Variants in RIN2 observed in about 807,000 individuals in gnomAD.
RIN2 encodes RAB5 interacting protein 2.
A neutral mutation model predicts 78.0 loss-of-function variants in RIN2; 36 were observed. The observed-to-expected ratio is 0.46, with a 90% CI of 0.35 to 0.61. The LOEUF (loss-of-function observed/expected upper bound fraction) is 0.61. Ranked by LOEUF, RIN2 falls within the 20% of genes least tolerant of loss-of-function variation. The pLI is 0.00. For missense variants in RIN2, 1,087 were observed against 1,159.7 expected (o/e 0.94, Z 0.91); for synonymous variants, 466 against 466.8 (o/e 1.00, Z 0.02).
rs779219805 is a variant in RIN2, at chr20:19,833,045, A to G, written c.-37+33298A>G. Among the ~76,000 whole-genome samples, 167 of 152,132 alleles carry G rather than the reference A, an allele frequency of 1.1e-3. 1 individual carries two copies. Among genetic ancestry groups the G allele is most frequent in the African/African-American group, 3.4e-3 (143 of 41,522 alleles). On this transcript the variant is annotated intron_variant, in intron 2 of 12. Transcript: ENST00000255006. Reference sequence around the variant, plus strand: ...CCTAAGCCGGATTACCCTGCCCTACATGTTCCTCCCCACGGAAACCACAGT... The same window carrying G: ...CCTAAGCCGGATTACCCTGCCCTACGTGTTCCTCCCCACGGAAACCACAGT...
At chr20:19,900,388 CAGG>C (rs2038925158) in intron 3 of RIN2, among the ~76,000 whole-genome samples, 1 of 151,994 alleles carries the variant, frequency 6.6e-6, no homozygotes, top group Non-Finnish European at 1.5e-5. Context: ...GGAGGCGAGG[CAGG>C]AGAATTGCTT....
At chr20:19,821,782 G>A (rs941308955) in intron 2 of RIN2, among the ~76,000 whole-genome samples, 5 of 152,066 alleles carry the variant, frequency 3.3e-5, no homozygotes, top group African/African-American at 4.8e-5. Context: ...TGCACTTTCC[G>A]TTTTCTGTTC....
At position 19,964,999 on chromosome 20, in the gene RIN2, C is replaced by T. The variant is rs947629258; in HGVS notation, c.511C>T (p.Leu171Phe). 6.2e-7 allele frequency: 1 copy of T among 1,613,534 alleles called. No individual in the cohort carries two copies. Among genetic ancestry groups the T allele is most frequent in the Non-Finnish European group, 8.5e-7 (1 of 1,179,788 alleles). ...SGISFADLFR[L>F]IAFYCISRDV... ...AATCAGTTTCGCAGATTTATTCCGG[C>T]TCATTGCTTTCTACTGCATCAGCAG... is the stretch of plus-strand genomic sequence containing the variant. The change falls in exon 7 of 13, where the codon CTC becomes TTC. Residue 171 changes from leucine (L) to phenylalanine (F), a missense_variant. Around this residue, in one of 8 missense-constraint regions of RIN2, gnomAD observed 706 missense variants for 667.5 expected, o/e 1.06. Coordinates refer to ENST00000255006, the MANE Select transcript of RIN2 (RefSeq NM_018993.4).
intron 1 of RIN2, among the ~76,000 whole-genome samples, chr20:19,798,277 A>G (rs899272747): frequency 6.6e-6 from 1 of 152,188 alleles, no homozygotes; most frequent in South Asian, 2.1e-4. Context: ...CTGAAGCCCA[A>G]GTATGTTGCA....
intron 6 of RIN2, among the ~76,000 whole-genome samples, chr20:19,961,043 A>C (rs979455432): frequency 6.6e-6 from 1 of 152,208 alleles, no homozygotes; most frequent in Non-Finnish European, 1.5e-5. Flanking sequence ...TAAAGTGTGC[A>C]GCCTACTGCA....
chr20:19,962,852 G>A (rs1160242257), intron 6 of RIN2, among the ~76,000 whole-genome samples: 3 of 152,164 alleles, frequency 2.0e-5, no homozygotes, highest in Admixed American at 1.3e-4. Flanking sequence ...ATCTGCTCAG[G>A]AGGTTGAGGC....
At chr20:19,777,398 G>A (rs2034347767) in intron 1 of RIN2, among the ~76,000 whole-genome samples, 1 of 152,248 alleles carries the variant, frequency 6.6e-6, no homozygotes. Context: ...AAAGAAACAT[G>A]CTGTTTCAGA....
chr20:19,952,988 C>T (rs1382879271), intron 4 of RIN2, among the ~76,000 whole-genome samples: 1 of 152,200 alleles, frequency 6.6e-6, no homozygotes, highest in Non-Finnish European at 1.5e-5. Context: ...GTCTCTGGCT[C>T]ACCCCACACC....
chr20:19,975,593 G>A lies in RIN2; in HGVS notation c.1568G>A (p.Arg523Gln), dbSNP rs369642510. 3.0e-5 allele frequency: 48 copies of A among 1,613,948 alleles called. No homozygotes were observed. In the African/African-American group the frequency reaches 4.5e-4, roughly 15 times the overall value. Reference protein sequence around the residue: ...RMVRRIAELSRDKCTYFGCLV... With the variant: ...RMVRRIAELSQDKCTYFGCLV... ...GTCCGCAGGATCGCCGAGCTTTCCCGGGACAAATGCACCTACTTCGGGTGC... is the reference window on the plus strand; with the variant it reads ...GTCCGCAGGATCGCCGAGCTTTCCCAGGACAAATGCACCTACTTCGGGTGC... The change falls in exon 9 of 13, where the codon CGG becomes CAG. Residue 523 changes from arginine (R) to glutamine (Q), a missense_variant. Physicochemically the swap from Arg to Gln is conservative, Grantham distance 43. Around this residue, in one of 8 missense-constraint regions of RIN2, gnomAD observed 34 missense variants for 46.1 expected, o/e 0.74. Transcript: ENST00000255006. The surrounding 1 kb of genome is among the most constrained non-coding windows in gnomAD (Gnocchi z 4.9).
At chr20:19,759,659 G>A (rs1280866430) in intron 1 of RIN2, among the ~76,000 whole-genome samples, 2 of 152,174 alleles carry the variant, frequency 1.3e-5, no homozygotes, top group African/African-American at 4.8e-5. Context: ...GAGGTCAGGA[G>A]TTCAAGACCA....
intron 9 of RIN2, among the ~76,000 whole-genome samples, chr20:19,984,509 G>A (rs1357846862): frequency 6.6e-6 from 1 of 152,164 alleles, no homozygotes; most frequent in African/African-American, 2.4e-5. Flanking sequence ...GCTCATACCT[G>A]TAATCCCAGC....
intron 3 of RIN2, among the ~76,000 whole-genome samples, chr20:19,910,968 C>T (rs957197388): frequency 1.3e-5 from 2 of 152,172 alleles, no homozygotes; most frequent in Admixed American, 6.5e-5. Flanking sequence ...CCATATGCAC[C>T]AGTGGTTAAC....
intron 1 of RIN2, among the ~76,000 whole-genome samples, chr20:19,791,542 A>G (rs2034890620): frequency 6.6e-6 from 1 of 152,242 alleles, no homozygotes; most frequent in African/African-American, 2.4e-5. Flanking sequence ...AATTACAGTA[A>G]CATGACTTCT....
Position 19,943,975 on chromosome 20 carries a change from CTTTTTT to C in RIN2, c.158+8798_158+8803del, listed in dbSNP as rs58524523. On this transcript the variant is annotated intron_variant, in intron 4 of 12. Transcript: ENST00000255006. ...ACATGTTTAATTCCATTTCAATATCCTTTTTTTTTTTTTTTTTTTTTTTTTTTACCT... is the reference window on the plus strand; with the variant it reads ...ACATGTTTAATTCCATTTCAATATCCTTTTTTTTTTTTTTTTTTTTTACCT... Among the ~76,000 whole-genome samples the C allele has an allele frequency of 1.5e-3, 145 of 95,900 alleles. 1 individual carries two copies. In the South Asian group the frequency reaches 0.018, roughly 12 times the overall value. The allele number at this position is 95,900 out of a possible 152,430, so 62.9% of individuals were successfully genotyped here. A position where few individuals can be genotyped will look rare whatever the true frequency, so the allele number is the denominator to read the frequency against.
chr20:19,928,226 G>C (rs2040304148), intron 3 of RIN2, among the ~76,000 whole-genome samples: 1 of 152,144 alleles, frequency 6.6e-6, no homozygotes, highest in Non-Finnish European at 1.5e-5. Flanking sequence ...TAATCTCATT[G>C]TCCTTTTTAT....
chr20:19,898,969 T>C lies in RIN2; in HGVS notation c.57+9311T>C, dbSNP rs140240024. On this transcript the variant is annotated intron_variant, in intron 3 of 12. Transcript: ENST00000255006. The stretch of plus-strand genomic sequence containing the variant: ...CCTATCAGAATCAATGTTATACATT[T>C]AAAGCAGCAATCAGAGGAAAATTCA... 1.7e-3 allele frequency among the ~76,000 whole-genome samples: 257 copies of C among 152,336 alleles called. 1 individual carries two copies. The highest frequency in any genetic ancestry group is 7.5e-3 in the East Asian group (39 of 5,186).
intron 1 of RIN2, among the ~76,000 whole-genome samples, chr20:19,765,395 G>C (rs2033842201): frequency 1.3e-5 from 2 of 152,198 alleles, no homozygotes; most frequent in Non-Finnish European, 2.9e-5. Context: ...GGTGGCTGGT[G>C]AGGAAGGCAC....
intron 6 of RIN2, among the ~76,000 whole-genome samples, chr20:19,962,411 C>T (rs186083545): frequency 3.9e-5 from 6 of 152,034 alleles, no homozygotes; most frequent in Admixed American, 1.3e-4. Context: ...ATGTGTTGGT[C>T]GGAAGCCACT....
Position 19,975,065 on chromosome 20 carries a change from C to T in RIN2, c.1040C>T (p.Ala347Val). Residue 347 changes from alanine (A) to valine (V), a missense_variant, in exon 9 of 13, where the codon GCT becomes GTT. By Grantham distance (64) the Ala-to-Val change is moderately conservative (BLOSUM62 0). Coordinates refer to ENST00000255006, the MANE Select transcript of RIN2 (RefSeq NM_018993.4). The surrounding 1 kb of genome is among the most constrained non-coding windows in gnomAD (Gnocchi z 4.9). ...TVNHNKHGNV[A>V]LPGTKPTPIP... ...AACCATAACAAACATGGGAACGTAG[C>T]TCTGCCTGGAACGAAACCAACTCCC... is the stretch of plus-strand genomic sequence containing the variant. 6.2e-7 allele frequency: 1 copy of T among 1,613,484 alleles called. No homozygotes were observed. Among genetic ancestry groups the T allele is most frequent in the Non-Finnish European group, 8.5e-7 (1 of 1,179,876 alleles).
Sources: allele counts gnomAD v4.1 joint callset (sites outside exome capture counted in the v4.1 genomes callset), GRCh38; gene constraint gnomAD v4.1.1; regional missense constraint gnomAD v4.1.1; non-coding constraint Gnocchi (gnomAD v3.1); transcripts MANE v1.5; gene names NCBI Gene and HGNC (gene_info 2026-07-23, HGNC 2026-07-21).